Variants in DLG1 observed in about 807,000 individuals in gnomAD.
DLG1 encodes the protein disks large homolog 1.
DLG1 carries 42 observed loss-of-function variants against 123.4 expected under a neutral mutation model. The observed-to-expected ratio is 0.34, with a 90% CI of 0.27 to 0.44. The LOEUF is 0.44. Among genes scored for constraint, DLG1 ranks in the 20% least tolerant of loss-of-function variants. The pLI is 1.00. For synonymous variants in DLG1, 317 were observed against 356.2 expected (o/e 0.89, Z 1.24); for missense variants, 942 against 1,082.6 (o/e 0.87, Z 1.82).
At chr3:197,254,881 T>C (rs1380592585) in intron 4 of DLG1, among the ~76,000 whole-genome samples, 1 of 151,672 alleles carries the variant, frequency 6.6e-6, no homozygotes, top group Non-Finnish European at 1.5e-5. Context: ...AACCCCACGT[T>C]TACTAAAAAT....
intron 5 of DLG1, among the ~76,000 whole-genome samples, chr3:197,174,896 G>C (rs1196073999): frequency 6.6e-6 from 1 of 152,154 alleles, no homozygotes; most frequent in Non-Finnish European, 1.5e-5. Flanking sequence ...GTTCCACTCT[G>C]TCACAGCTGT....
chr3:197,253,425 C>T (rs1165891664), intron 4 of DLG1, among the ~76,000 whole-genome samples: 2 of 152,250 alleles, frequency 1.3e-5, no homozygotes, highest in Non-Finnish European at 2.9e-5. Flanking sequence ...TGGAAAAACT[C>T]GATCATTCAC....
chr3:197,051,192 G>C (rs577991310), intron 24 of DLG1, among the ~76,000 whole-genome samples: 4 of 152,110 alleles, frequency 2.6e-5, no homozygotes, highest in Non-Finnish European at 5.9e-5. Flanking sequence ...TGACCAACAC[G>C]GCGAAACCCC....
intron 3 of DLG1, among the ~76,000 whole-genome samples, chr3:197,286,487 G>A (rs369171514): frequency 2.1e-4 from 32 of 152,278 alleles, no homozygotes; most frequent in South Asian, 1.0e-3. Flanking sequence ...ATGTAACGCC[G>A]CTACTGACCT....
intron 17 of DLG1, among the ~76,000 whole-genome samples, chr3:197,079,564 G>C (rs548243912): frequency 6.6e-6 from 1 of 152,276 alleles, no homozygotes; most frequent in East Asian, 1.9e-4. Context: ...ACTTCTTACA[G>C]TATGAAAGGA....
chr3:197,127,195 G>C (rs1337552384), intron 11 of DLG1, among the ~76,000 whole-genome samples: 1 of 151,504 alleles, frequency 6.6e-6, no homozygotes, highest in Non-Finnish European at 1.5e-5. Context: ...GGCCGAGGCA[G>C]GTGGATCACC....
intron 4 of DLG1, among the ~76,000 whole-genome samples, chr3:197,199,874 G>A (rs1484197011): frequency 6.6e-6 from 1 of 152,148 alleles, no homozygotes; most frequent in East Asian, 1.9e-4. Context: ...ATTACAAAGT[G>A]TGATGAGGGT....
At chr3:197,081,309 A>G (rs1284077795) in intron 16 of DLG1, among the ~76,000 whole-genome samples, 192 bp from the exon 17 acceptor site, 1 of 152,198 alleles carries the variant, frequency 6.6e-6, no homozygotes, top group Non-Finnish European at 1.5e-5. Context: ...ATGAAACAAA[A>G]CCTGATGCTA....
chr3:197,138,252 T>C lies in DLG1; in HGVS notation c.853A>G (p.Met285Val), dbSNP rs1245562701. ...KRRKPVSEKI[M>V]EIKLIKGPKG... Reference sequence around the variant, plus strand: ...GGACCTTTAATGAGCTTTATTTCCATTATTTTTTCTGACACTGGTTTCCTT... The same window carrying C: ...GGACCTTTAATGAGCTTTATTTCCACTATTTTTTCTGACACTGGTTTCCTT... The change falls in exon 9 of 25, where the codon ATG becomes GTG. Residue 285 changes from methionine (M) to valine (V), a missense_variant. Transcript: ENST00000667157. The C allele has an allele frequency of 8.1e-6, 13 of 1,602,788 alleles. No individual in the cohort carries two copies. The highest frequency in any genetic ancestry group is 1.0e-5 in the Non-Finnish European group (12 of 1,172,800).
At chr3:197,197,862 T>C (rs909159222) in intron 4 of DLG1, among the ~76,000 whole-genome samples, 2 of 152,238 alleles carry the variant, frequency 1.3e-5, no homozygotes, top group Non-Finnish European at 2.9e-5. Context: ...AGTCAATTGA[T>C]TTTGGACATG....
At chr3:197,232,702 ACAT>A (rs1163629415) in intron 4 of DLG1, among the ~76,000 whole-genome samples, 5 of 152,062 alleles carry the variant, frequency 3.3e-5, no homozygotes, top group African/African-American at 1.2e-4. Flanking sequence ...ATTTAAGGCT[ACAT>A]GATATGCAAC....
At chr3:197,145,807 C>T (rs1165031119) in intron 6 of DLG1, among the ~76,000 whole-genome samples, 2 of 125,514 alleles carry the variant, frequency 1.6e-5, no homozygotes, top group African/African-American at 5.9e-5. Context: ...ACTAAAAATA[C>T]AAAAATTAGC....
intron 8 of DLG1, among the ~76,000 whole-genome samples, chr3:197,139,319 G>A (rs1786751889): frequency 6.6e-6 from 1 of 151,984 alleles, no homozygotes; most frequent in South Asian, 2.1e-4. Flanking sequence ...TTACATGAAT[G>A]GTCAAATGAT....
intron 6 of DLG1, among the ~76,000 whole-genome samples, chr3:197,144,828 A>G (rs954318159): frequency 2.0e-5 from 3 of 152,136 alleles, no homozygotes; most frequent in Admixed American, 6.5e-5. Flanking sequence ...AGGCATTTAT[A>G]TAGAGAGAGT....
intron 5 of DLG1, among the ~76,000 whole-genome samples, chr3:197,175,099 G>C (rs1255341781): frequency 6.6e-6 from 1 of 152,176 alleles, no homozygotes; most frequent in Non-Finnish European, 1.5e-5. Context: ...TGCGTGTATA[G>C]GCTTCTATAA....
At chr3:197,299,223 C>T (rs1343305401), upstream of DLG1, 1 of 152,212 alleles carries the variant, frequency 6.6e-6, no homozygotes, top group Non-Finnish European at 1.5e-5. Flanking sequence ...TTCGAACTTC[C>T]TCGGGGTGAC....
chr3:197,266,964 CA>C (rs576456779), intron 4 of DLG1, among the ~76,000 whole-genome samples: 1 of 152,084 alleles, frequency 6.6e-6, no homozygotes, highest in Non-Finnish European at 1.5e-5. Flanking sequence ...CCAAGAAACT[CA>C]ATGAATCCCA....
At chr3:197,232,443 G>A (rs1743689727) in intron 4 of DLG1, among the ~76,000 whole-genome samples, 1 of 149,356 alleles carries the variant, frequency 6.7e-6, no homozygotes, top group Non-Finnish European at 1.5e-5. Flanking sequence ...TATTATTTTA[G>A]AAAAAGCTGG....
intron 4 of DLG1, among the ~76,000 whole-genome samples, chr3:197,205,668 T>C (rs1728156048): frequency 6.6e-6 from 1 of 152,230 alleles, no homozygotes; most frequent in Non-Finnish European, 1.5e-5. Context: ...TTACAATTAA[T>C]GGTGAAATAT....
Sources: allele counts gnomAD v4.1 joint callset (sites outside exome capture counted in the v4.1 genomes callset), GRCh38; gene constraint gnomAD v4.1.1; transcripts MANE v1.5; gene names NCBI Gene and HGNC (gene_info 2026-07-23, HGNC 2026-07-21).